DCC: variants seen among roughly 807,000 people sequenced by gnomAD.
The protein encoded by DCC is DCC netrin 1 receptor.
Under a neutral mutation model 172.5 loss-of-function variants are expected in DCC, and 58 were observed. That is an observed-to-expected ratio of 0.34 (90% confidence interval 0.27 to 0.42). DCC has a LOEUF of 0.42. DCC is among the 10% of genes least tolerant of loss of function. The pLI, the probability that DCC is intolerant of heterozygous loss-of-function variation, is 1.00. For missense variants in DCC, 1,740 were observed against 1,791.0 expected (o/e 0.97, Z 0.51); for synonymous variants, 709 against 644.5 (o/e 1.10, Z -1.52).
intron 12 of DCC, among the ~76,000 whole-genome samples, chr18:53,264,823 C>T (rs897382800): frequency 3.9e-5 from 6 of 151,992 alleles, no homozygotes; most frequent in African/African-American, 1.2e-4. Flanking sequence ...GCCATAAAGT[C>T]AAGCAGTGCG....
intron 12 of DCC, among the ~76,000 whole-genome samples, chr18:53,243,104 A>T (rs2056322959): frequency 6.6e-6 from 1 of 152,166 alleles, no homozygotes; most frequent in South Asian, 2.1e-4. Flanking sequence ...TGAAAAGAAA[A>T]GCAGAATGAT....
chr18:53,159,470 C>T (rs933898595), intron 8 of DCC, among the ~76,000 whole-genome samples: 17 of 152,098 alleles, frequency 1.1e-4, no homozygotes, highest in African/African-American at 3.4e-4. Flanking sequence ...CTCTGGGAAT[C>T]GCTCCTCACC....
At chr18:52,872,123 A>G (rs1341408305) in intron 2 of DCC, among the ~76,000 whole-genome samples, 3 of 152,168 alleles carry the variant, frequency 2.0e-5, no homozygotes, top group East Asian at 1.9e-4. Flanking sequence ...TTACAGGAAC[A>G]TGGGAGAGGA....
chr18:52,508,659 C>T (rs1487946175), intron 1 of DCC, among the ~76,000 whole-genome samples: 1 of 152,158 alleles, frequency 6.6e-6, no homozygotes, highest in Non-Finnish European at 1.5e-5. Flanking sequence ...TCATTGAAAA[C>T]TTTGAAAGCA....
intron 22 of DCC, among the ~76,000 whole-genome samples, chr18:53,449,593 G>A (rs890210788): frequency 1.2e-4 from 18 of 152,158 alleles, no homozygotes; most frequent in Non-Finnish European, 2.9e-5. Flanking sequence ...TTGGTATCAA[G>A]CAGTTTGTCT....
chr18:52,371,339 A>G (rs537764675), intron 1 of DCC, among the ~76,000 whole-genome samples: 2 of 152,360 alleles, frequency 1.3e-5, no homozygotes, highest in Non-Finnish European at 2.9e-5. Flanking sequence ...TTCTGCTTTT[A>G]GATCAAAGTT....
chr18:53,030,123 T>G (rs1278526442), intron 5 of DCC, among the ~76,000 whole-genome samples: 1 of 152,188 alleles, frequency 6.6e-6, no homozygotes, highest in Non-Finnish European at 1.5e-5. Context: ...ATGCACTTTG[T>G]TTTAGGTTAT....
At chr18:52,893,802 C>T (rs1460157699) in intron 2 of DCC, among the ~76,000 whole-genome samples, 2 of 152,100 alleles carry the variant, frequency 1.3e-5, no homozygotes, top group African/African-American at 4.8e-5. Context: ...TTGAGTGCTA[C>T]TGTGTACCTA....
chr18:52,503,263 C>A (rs939448052), intron 1 of DCC, among the ~76,000 whole-genome samples: 1 of 152,066 alleles, frequency 6.6e-6, no homozygotes, highest in African/African-American at 2.4e-5. Flanking sequence ...AGGACACTCT[C>A]GAGAGTAAAA....
intron 23 of DCC, among the ~76,000 whole-genome samples, chr18:53,453,781 T>C (rs1451748958): frequency 6.6e-6 from 1 of 152,212 alleles, no homozygotes; most frequent in Non-Finnish European, 1.5e-5. Flanking sequence ...TCTTTAAATA[T>C]AATGATAATT....
chr18:52,534,083 ACATTTGGTTTACC>A (rs1285999104), intron 1 of DCC, among the ~76,000 whole-genome samples: 2 of 152,130 alleles, frequency 1.3e-5, no homozygotes, highest in Non-Finnish European at 2.9e-5. Flanking sequence ...TGGATATACC[ACATTTGGTTTACC>A]CATTTGTGAA....
chr18:53,346,100 C>A (rs2057721171), intron 15 of DCC, among the ~76,000 whole-genome samples: 1 of 152,136 alleles, frequency 6.6e-6, no homozygotes, highest in Admixed American at 6.5e-5. Flanking sequence ...CTCAAGTAAT[C>A]CTGCTGCCTC....
chr18:52,430,527 G>A (rs554907560), intron 1 of DCC, among the ~76,000 whole-genome samples: 33 of 152,218 alleles, frequency 2.2e-4, no homozygotes, highest in African/African-American at 7.7e-4. Context: ...TTGGGACAGT[G>A]ATGAGCCTGG....
At chr18:53,529,963 G>A (rs553242383) in intron 28 of DCC, among the ~76,000 whole-genome samples, 1 of 152,064 alleles carries the variant, frequency 6.6e-6, no homozygotes, top group Non-Finnish European at 1.5e-5. Flanking sequence ...CATGAATTTT[G>A]TTTCCACACA....
chr18:52,465,838 A>G (rs1213604867), intron 1 of DCC, among the ~76,000 whole-genome samples: 2 of 151,450 alleles, frequency 1.3e-5, no homozygotes, highest in Non-Finnish European at 2.9e-5. Context: ...CCTTATCTCT[A>G]ACTTAAATTT....
intron 12 of DCC, among the ~76,000 whole-genome samples, chr18:53,234,406 C>T (rs182403813): frequency 1.7e-3 from 253 of 151,920 alleles, no homozygotes; most frequent in African/African-American, 5.3e-3. Flanking sequence ...CCAGCCTGGG[C>T]GATAGAGTAA....
chr18:52,427,820 C>CT lies in DCC; in HGVS notation c.91+86944dup, dbSNP rs1321212359. On this transcript the variant is annotated intron_variant, in intron 1 of 28. Transcript: ENST00000442544. ...CTAACTTTCTTTTCTTCCTTTCTTC[C>CT]TTCCTTCCTTCCTTTCTTCCTTCCT... 1.6e-3 allele frequency among the ~76,000 whole-genome samples: 146 copies of CT among 91,240 alleles called. 5 individuals carry two copies. Among genetic ancestry groups the CT allele is most frequent in the African/African-American group, 5.9e-3 (140 of 23,636 alleles). The allele number at this position is 91,240 out of a possible 152,430, so 59.9% of individuals were successfully genotyped here. A position where few individuals can be genotyped will look rare whatever the true frequency, so the allele number is the denominator to read the frequency against.
rs547033915 is a variant in DCC at position 53,517,562 on chromosome 18, C to T, written c.4112-9055C>T. Among the ~76,000 whole-genome samples the T allele has an allele frequency of 8.6e-5, 13 of 151,960 alleles. No individual in the cohort carries two copies. The South Asian group carries it at 2.5e-3, about 29-fold the overall frequency. On this transcript the variant is annotated intron_variant, in intron 27 of 28. Coordinates refer to ENST00000442544, the MANE Select transcript of DCC (RefSeq NM_005215.4). ...GAGTAGTAACCATTAGTACCTTAAC[C>T]CTCTCGTCTCATTTTTCACAGACAG...
intron 5 of DCC, among the ~76,000 whole-genome samples, chr18:52,986,943 C>T (rs1187142728): frequency 6.6e-6 from 1 of 152,092 alleles, no homozygotes; most frequent in African/African-American, 2.4e-5. Context: ...CTGCCTCAGC[C>T]TCCCAAGTAG....
Sources: gnomAD v4.1 joint callset for allele counts (sites outside exome capture counted in the v4.1 genomes callset) on GRCh38, gnomAD v4.1.1 for gene constraint, MANE v1.5 for transcripts, NCBI Gene and HGNC (gene_info 2026-07-23, HGNC 2026-07-21) for gene names.